RSF1: variants seen among roughly 807,000 people sequenced by gnomAD.
RSF1 encodes the protein remodeling and spacing factor 1, also known as HBV pX-associated protein 8.
In RSF1, 13 loss-of-function variants were observed where a neutral mutation model predicts 145.2. That is an observed-to-expected ratio of 0.09 (90% CI 0.06 to 0.14). The LOEUF (loss-of-function observed/expected upper bound fraction) is 0.14. Ranked by LOEUF, RSF1 falls within the 10% of genes least tolerant of loss-of-function variation. The pLI is 1.00. For missense variants in RSF1, 1,517 were observed against 1,718.2 expected, an observed-to-expected ratio of 0.88 and a Z score of 2.07; for synonymous variants, 577 against 592.6, an observed-to-expected ratio of 0.97 and a Z score of 0.38.
the RSF1 span, among the ~76,000 whole-genome samples, chr11:77,838,703 G>A: frequency 7.6e-5 from 11 of 144,216 alleles, no homozygotes; most frequent in South Asian, 2.2e-4. Flanking sequence ...TGTAAGCTCC[G>A]CCTCCCGGGT....
intron 1 of RSF1, among the ~76,000 whole-genome samples, chr11:77,778,250 G>GGA: frequency 1.2e-5 from 1 of 82,452 alleles, no homozygotes; most frequent in East Asian, 4.6e-4. Flanking sequence ...GGGAGAGCAT[G>GGA]GGGGAGGGAA....
chr11:77,673,761 A>G (rs2135814499), intron 14 of RSF1, among the ~76,000 whole-genome samples: 1 of 152,338 alleles, frequency 6.6e-6, no homozygotes, highest in East Asian at 1.9e-4. Context: ...AAAGAGACTC[A>G]GAAGATGCAA....
intron 9 of RSF1, among the ~76,000 whole-genome samples, chr11:77,687,047 A>T (rs1960027977): frequency 6.6e-6 from 1 of 152,208 alleles, no homozygotes; most frequent in South Asian, 2.1e-4. Context: ...GATTTTTAAA[A>T]AGTGAATATA....
At chr11:77,834,876 T>C in the RSF1 span, among the ~76,000 whole-genome samples, 1 of 152,176 alleles carries the variant, frequency 6.6e-6, no homozygotes, top group Non-Finnish European at 1.5e-5. Flanking sequence ...CCACTCAAAC[T>C]GTAACATTAT....
chr11:77,694,734 T>C (rs1960240648), intron 7 of RSF1, among the ~76,000 whole-genome samples: 1 of 152,212 alleles, frequency 6.6e-6, no homozygotes, highest in Non-Finnish European at 1.5e-5. Flanking sequence ...TCCACTGATG[T>C]CCTTTTGTTG....
the RSF1 span, among the ~76,000 whole-genome samples, chr11:77,835,635 G>A: frequency 6.6e-6 from 1 of 152,032 alleles, no homozygotes; most frequent in African/African-American, 2.4e-5. Flanking sequence ...GTCTAAAGTT[G>A]GGGCCAGGCG....
At chr11:77,825,698 GTTT>G (rs1250441260), upstream of RSF1, among the ~76,000 whole-genome samples, 1 of 139,320 alleles carries the variant, frequency 7.2e-6, no homozygotes, top group African/African-American at 2.6e-5. Context: ...CATTTTTTTT[GTTT>G]TTTTTTTTTT....
intron 1 of RSF1, among the ~76,000 whole-genome samples, chr11:77,817,701 G>GTT (rs1213802301): frequency 6.6e-6 from 1 of 152,162 alleles, no homozygotes; most frequent in East Asian, 1.9e-4. Flanking sequence ...TTGAGCCTTA[G>GTT]TTTCTATGCC....
intron 1 of RSF1, among the ~76,000 whole-genome samples, chr11:77,787,833 TAA>T (rs57568918): frequency 8.5e-5 from 11 of 129,422 alleles, no homozygotes; most frequent in Non-Finnish European, 9.7e-5. Flanking sequence ...TTCAGAACAG[TAA>T]AAAAAAAAAA....
intron 1 of RSF1, among the ~76,000 whole-genome samples, chr11:77,802,797 C>T (rs372851919): frequency 3.3e-5 from 5 of 152,172 alleles, no homozygotes; most frequent in South Asian, 4.2e-4. Flanking sequence ...GTGATCCATC[C>T]GCCTTGGCCT....
intron 1 of RSF1, among the ~76,000 whole-genome samples, chr11:77,765,317 T>C (rs1948214833): frequency 6.6e-6 from 1 of 152,158 alleles, no homozygotes; most frequent in Non-Finnish European, 1.5e-5. Flanking sequence ...AAACTAACAG[T>C]TTCCAAACTG....
At chr11:77,702,686 T>C in intron 5 of RSF1, 191 bp from the exon 6 acceptor site, 1 of 395,114 alleles carries the variant, frequency 2.5e-6, no homozygotes, top group African/African-American at 2.1e-5. Flanking sequence ...ATACAACTTC[T>C]AGATATTAAA....
chr11:77,733,899 C>T (rs1961270957), intron 4 of RSF1, among the ~76,000 whole-genome samples: 1 of 152,054 alleles, frequency 6.6e-6, no homozygotes, highest in Non-Finnish European at 1.5e-5. Context: ...ATTGACATAC[C>T]CCATGGAGTG....
chr11:77,817,373 G>A (rs897428998), intron 1 of RSF1, among the ~76,000 whole-genome samples: 3 of 152,092 alleles, frequency 2.0e-5, no homozygotes, highest in Non-Finnish European at 4.4e-5. Flanking sequence ...TGACTTTTTT[G>A]TGAATTTTAC....
chr11:77,776,106 T>G (rs530796731), intron 1 of RSF1, among the ~76,000 whole-genome samples: 12 of 152,188 alleles, frequency 7.9e-5, no homozygotes, highest in Admixed American at 4.6e-4. Flanking sequence ...CCTTAGCTAC[T>G]TGGGTTGCTG....
chr11:77,677,824 A>T (rs1959748344), intron 12 of RSF1, among the ~76,000 whole-genome samples: 1 of 152,200 alleles, frequency 6.6e-6, no homozygotes, highest in Admixed American at 6.5e-5. Flanking sequence ...ATCAGAAGTA[A>T]ATTTTTTAAC....
chr11:77,733,079 T>C (rs1961247417), intron 4 of RSF1, among the ~76,000 whole-genome samples: 1 of 152,212 alleles, frequency 6.6e-6, no homozygotes, highest in Non-Finnish European at 1.5e-5. Context: ...ATTTCTCTAA[T>C]ATAAATACCC....
chr11:77,734,926 A>C (rs1961305418), intron 4 of RSF1: 1 of 1,589,200 alleles, frequency 6.3e-7, no homozygotes, highest in Non-Finnish European at 8.5e-7. Context: ...GGACAGGTAA[A>C]CGTAGGAGGC....
At chr11:77,808,240 A>C (rs1259489029) in intron 1 of RSF1, among the ~76,000 whole-genome samples, 3 of 152,004 alleles carry the variant, frequency 2.0e-5, no homozygotes, top group Non-Finnish European at 2.9e-5. Context: ...AGGCTGAGGC[A>C]GGAGAATCAC....
Sources: gnomAD v4.1 joint callset for allele counts (sites outside exome capture counted in the v4.1 genomes callset) on GRCh38, gnomAD v4.1.1 for gene constraint, MANE v1.5 for transcripts, NCBI Gene and HGNC (gene_info 2026-07-23, HGNC 2026-07-21) for gene names.